RAB11FIP4: variants seen among roughly 807,000 people sequenced by gnomAD.
RAB11FIP4 encodes the protein RAB11 family interacting protein 4.
A neutral mutation model predicts 74.3 loss-of-function variants in RAB11FIP4; 23 were observed. The ratio of observed to expected loss-of-function variants is 0.31; its 90% CI spans 0.22 to 0.44. The LOEUF is 0.44. Among genes scored for constraint, RAB11FIP4 ranks in the 20% least tolerant of loss-of-function variants. The pLI, the probability that RAB11FIP4 is intolerant of heterozygous loss-of-function variation, is 1.00. For synonymous variants in RAB11FIP4, 360 were observed against 359.9 expected (o/e 1.00, Z 0.00); for missense variants, 630 against 863.9 (o/e 0.73, Z 3.39).
intron 3 of RAB11FIP4, among the ~76,000 whole-genome samples, chr17:31,438,860 C>T (rs1250512334): frequency 6.6e-6 from 1 of 152,090 alleles, no homozygotes; most frequent in Non-Finnish European, 1.5e-5. Context: ...GCCTGTAATC[C>T]CAGCACTTTG....
At chr17:31,430,863 G>A (rs1258105222) in intron 1 of RAB11FIP4, among the ~76,000 whole-genome samples, 2 of 152,130 alleles carry the variant, frequency 1.3e-5, no homozygotes, top group Non-Finnish European at 2.9e-5. Context: ...GTGACAGTGA[G>A]CAGACGCAGT....
chr17:31,491,420 C>T (rs1274921507), intron 3 of RAB11FIP4, among the ~76,000 whole-genome samples: 3 of 152,124 alleles, frequency 2.0e-5, no homozygotes, highest in African/African-American at 7.2e-5. Context: ...GCAGGTAGAG[C>T]AGTAAAACAC....
chr17:31,432,318 G>C (rs1400642644), intron 2 of RAB11FIP4, among the ~76,000 whole-genome samples: 1 of 151,436 alleles, frequency 6.6e-6, no homozygotes, highest in Non-Finnish European at 1.5e-5. Context: ...GCCTCCCTCT[G>C]AGCTGCTGCT....
At chr17:31,459,832 A>G (rs1344161102) in intron 3 of RAB11FIP4, among the ~76,000 whole-genome samples, 3 of 141,118 alleles carry the variant, frequency 2.1e-5, no homozygotes, top group African/African-American at 8.1e-5. Flanking sequence ...GTTGTGCCCC[A>G]GAGGGGCTCC....
chr17:31,451,144 C>T lies in RAB11FIP4; in HGVS notation c.336+17022C>T, dbSNP rs117829238. On this transcript the variant is annotated intron_variant, in intron 3 of 14. Transcript: ENST00000621161. Reference sequence around the variant, plus strand: ...CTTGTTTTTTGTGGTCCATATGACACCGGAGTGTTCTTTAAAACTTGTAAC... The same window carrying T: ...CTTGTTTTTTGTGGTCCATATGACATCGGAGTGTTCTTTAAAACTTGTAAC... Among the ~76,000 whole-genome samples the T allele has an allele frequency of 9.0e-3, 1,368 of 152,246 alleles. 9 individuals are homozygous for T. The highest frequency in any genetic ancestry group is 0.012 in the Non-Finnish European group (848 of 68,030).
At chr17:31,492,864 T>C (rs1213799848) in intron 3 of RAB11FIP4, among the ~76,000 whole-genome samples, 1 of 79,526 alleles carries the variant, frequency 1.3e-5, no homozygotes, top group Non-Finnish European at 2.6e-5. Context: ...AGAGCATTGA[T>C]GACAAGAGCT....
intron 3 of RAB11FIP4, among the ~76,000 whole-genome samples, chr17:31,480,614 CCTCT>C (rs1717587988): frequency 2.0e-5 from 3 of 151,598 alleles, no homozygotes; most frequent in South Asian, 2.1e-4. Flanking sequence ...ATGGTGAAAC[CCTCT>C]CTCTACTAAA....
intron 3 of RAB11FIP4, among the ~76,000 whole-genome samples, chr17:31,486,581 A>G (rs890735456): frequency 2.0e-5 from 3 of 152,200 alleles, no homozygotes; most frequent in African/African-American, 7.2e-5. Flanking sequence ...TCCAACCAAC[A>G]TGTGTGTTCT....
chr17:31,518,004 GGTATTCTGAATA>G, intron 4 of RAB11FIP4, 127 bp downstream of exon 4: 1 of 714,886 alleles, frequency 1.4e-6, no homozygotes, highest in South Asian at 1.8e-5. Context: ...TAGTGTCATG[GGTATTCTGAATA>G]GCACAAGATT....
In RAB11FIP4 at chr17:31,536,082, A is replaced by G. The variant is rs1412109522; in HGVS notation, c.*4350A>G. ...ACAGAAGCGCGGGTTCTTGGTTCCA[A>G]TGAGGGACTTAGCAGAAGCCTCCAG... is the stretch of plus-strand genomic sequence containing the variant. On this transcript the variant is annotated 3_prime_UTR_variant, in exon 15 of 15. Transcript: ENST00000621161. 1 of 152,038 alleles carries G rather than the reference A, an allele frequency of 6.6e-6. No homozygotes were observed. Among genetic ancestry groups the G allele is most frequent in the Non-Finnish European group, 1.5e-5 (1 of 68,084 alleles). The allele number at this position is 152,038 out of a possible 1,614,324, so 9.4% of individuals were successfully genotyped here.
At chr17:31,438,532 G>C (rs2071380960) in intron 3 of RAB11FIP4, among the ~76,000 whole-genome samples, 1 of 151,928 alleles carries the variant, frequency 6.6e-6, no homozygotes, top group Non-Finnish European at 1.5e-5. Flanking sequence ...CACAGCCACT[G>C]CCACCCACTG....
chr17:31,505,530 ATAAT>A (rs1260805430), intron 3 of RAB11FIP4, among the ~76,000 whole-genome samples: 1 of 87,682 alleles, frequency 1.1e-5, no homozygotes, highest in African/African-American at 4.8e-5. Flanking sequence ...TATATTATAT[ATAAT>A]TATTATATAT....
At chr17:31,455,938 C>G (rs1439875675) in intron 3 of RAB11FIP4, among the ~76,000 whole-genome samples, 1 of 152,174 alleles carries the variant, frequency 6.6e-6, no homozygotes, top group Non-Finnish European at 1.5e-5. Flanking sequence ...CCATCCTGGG[C>G]TTACAGGCAG....
intron 3 of RAB11FIP4, among the ~76,000 whole-genome samples, chr17:31,461,124 A>T (rs2071630373): frequency 7.8e-6 from 1 of 128,148 alleles, no homozygotes. Flanking sequence ...AACCCCCCTG[A>T]CTCCCACCCT....
intron 14 of RAB11FIP4, 141 bp from the exon 15 acceptor site, chr17:31,531,475 C>T: frequency 1.5e-6 from 1 of 652,536 alleles, no homozygotes; most frequent in South Asian, 1.8e-5. Flanking sequence ...AATGCTGAGG[C>T]TGTCCTGGGG....
chr17:31,456,018 T>C (rs2071575928), intron 3 of RAB11FIP4, among the ~76,000 whole-genome samples: 1 of 152,244 alleles, frequency 6.6e-6, no homozygotes. Context: ...ATGTTAACCC[T>C]ATTCCTTTAG....
chr17:31,400,235 G>A (rs1382777665), intron 1 of RAB11FIP4, among the ~76,000 whole-genome samples: 6 of 152,170 alleles, frequency 3.9e-5, no homozygotes, highest in African/African-American at 1.2e-4. Flanking sequence ...CATTAGTGCC[G>A]AAACAAAAGC....
chr17:31,397,681 G>A (rs1484002048), intron 1 of RAB11FIP4, among the ~76,000 whole-genome samples: 1 of 152,202 alleles, frequency 6.6e-6, no homozygotes, highest in Non-Finnish European at 1.5e-5. Flanking sequence ...CATCATGGAA[G>A]TGGGGCCAGG....
chr17:31,485,577 A>G (rs886578163), intron 3 of RAB11FIP4, among the ~76,000 whole-genome samples: 1 of 152,196 alleles, frequency 6.6e-6, no homozygotes, highest in African/African-American at 2.4e-5. Context: ...TTGGAAGGGA[A>G]GAAGGGAAAC....
Sources: allele counts gnomAD v4.1 joint callset (sites outside exome capture counted in the v4.1 genomes callset), GRCh38; gene constraint gnomAD v4.1.1; transcripts MANE v1.5; gene names NCBI Gene and HGNC (gene_info 2026-07-23, HGNC 2026-07-21).